The following TMEM33 variants were observed in gnomAD, a reference collection of about 807,000 sequenced individuals.
The protein encoded by TMEM33 is transmembrane protein 33.
In TMEM33, 16 loss-of-function variants were observed where a neutral mutation model predicts 29.7. The ratio of observed to expected loss-of-function variants is 0.54; its 90% CI spans 0.36 to 0.82. The LOEUF (loss-of-function observed/expected upper bound fraction) is 0.82, where lower values mean the gene tolerates loss of function less well. Ranked by LOEUF, TMEM33 falls within the 40% of genes least tolerant of loss-of-function variation. The pLI is 0.00. For synonymous variants in TMEM33, 112 were observed against 109.4 expected (o/e 1.02, Z -0.15); for missense variants, 252 against 295.3 (o/e 0.85, Z 1.08).
intron 3 of TMEM33, among the ~76,000 whole-genome samples, chr4:41,940,084 GCT>G (rs1313745439): frequency 3.2e-5 from 3 of 94,906 alleles, no homozygotes; most frequent in African/African-American, 1.3e-4. Context: ...ACAGAGTCTT[GCT>G]CTGTTGCCCA....
At chr4:41,946,696 G>C (rs1047674119) in intron 5 of TMEM33, among the ~76,000 whole-genome samples, 3 of 151,874 alleles carry the variant, frequency 2.0e-5, no homozygotes, top group Admixed American at 2.0e-4. Flanking sequence ...ATGTAATCTG[G>C]GACAGCAGAA....
intron 5 of TMEM33, 138 bp downstream of exon 5, chr4:41,945,064 T>G (rs954215409): frequency 1.9e-6 from 2 of 1,065,352 alleles, no homozygotes; most frequent in African/African-American, 3.2e-5. Context: ...AGTTGCCTAA[T>G]CTAACCTTTG....
Position 41,935,454 on chromosome 4 carries a change from T to G in TMEM33, c.-31T>G. On this transcript the variant is annotated 5_prime_UTR_variant, in exon 1 of 7. Transcript: ENST00000504986. ...CTCCCCTTTCTTCTCTCTTCGCGGT[T>G]GCGGCGTCGCAGACGCTAGTGTGAG... The G allele has an allele frequency of 6.3e-7, 1 of 1,597,232 alleles. No individual in the cohort carries two copies. Among genetic ancestry groups the G allele is most frequent in the Non-Finnish European group, 8.5e-7 (1 of 1,171,800 alleles).
At position 41,954,278 on chromosome 4, in the gene TMEM33, G is replaced by T; in HGVS notation, c.*79G>T. Reference sequence around the variant, plus strand: ...CTTCTGCTAGGGGTTGTAAATTCCAGGTGTTACACTGACCTCAATCCAATT... The same window carrying T: ...CTTCTGCTAGGGGTTGTAAATTCCATGTGTTACACTGACCTCAATCCAATT... On this transcript the variant is annotated 3_prime_UTR_variant, in exon 7 of 7. Transcript: ENST00000504986. 6.9e-7 allele frequency: 1 copy of T among 1,451,732 alleles called. No homozygotes were observed. The highest frequency in any genetic ancestry group is 9.3e-7 in the Non-Finnish European group (1 of 1,069,922). 89.9% of individuals were successfully genotyped at this position (1,451,732 alleles called of 1,614,324 possible). A position where few individuals can be genotyped will look rare whatever the true frequency, so the allele number is the denominator to read the frequency against.
chr4:41,936,267 G>A (rs1577645338), intron 1 of TMEM33, among the ~76,000 whole-genome samples: 1 of 152,206 alleles, frequency 6.6e-6, no homozygotes, highest in Admixed American at 6.5e-5. Context: ...ATGGGCTGGC[G>A]CAGTGGCTCA....
intron 6 of TMEM33, among the ~76,000 whole-genome samples, chr4:41,951,104 A>G (rs916234511): frequency 3.3e-5 from 5 of 152,136 alleles, no homozygotes; most frequent in Non-Finnish European, 5.9e-5. Flanking sequence ...TCTATTCACA[A>G]TTTGTACCAT....
rs866029663 is a variant in TMEM33 at position 41,956,801 on chromosome 4, C to T, written c.*2602C>T. ...ACAAAAAAAGGTAATCTTAAACTTA[C>T]GAAAAAGTAAATTTTACAATTTGAG... On this transcript the variant is annotated 3_prime_UTR_variant, in exon 7 of 7. Coordinates refer to ENST00000504986, the MANE Select transcript of TMEM33 (RefSeq NM_018126.3). 1.4e-4 allele frequency: 21 copies of T among 151,786 alleles called. No homozygotes were observed. The highest frequency in any genetic ancestry group is 1.3e-4 in the Admixed American group (2 of 15,240). The allele number at this position is 151,786 out of a possible 1,614,324, so 9.4% of individuals were successfully genotyped here.
At position 41,936,219 on chromosome 4, in the gene TMEM33, T is replaced by G. The variant is rs1209255285; in HGVS notation, c.45+690T>G. 2.0e-5 allele frequency among the ~76,000 whole-genome samples: 3 copies of G among 152,266 alleles called. No homozygotes were observed. In the East Asian group the frequency reaches 5.8e-4, roughly 29 times the overall value. Reference sequence around the variant, plus strand: ...TCCATAATTGTCCTTTAAAGCTGCTTTCTCTTCATCTGGGATTCTGTCAAA... The same window carrying G: ...TCCATAATTGTCCTTTAAAGCTGCTGTCTCTTCATCTGGGATTCTGTCAAA... On this transcript the variant is annotated intron_variant, in intron 1 of 6. Coordinates refer to ENST00000504986, the MANE Select transcript of TMEM33 (RefSeq NM_018126.3).
Position 41,944,929 on chromosome 4 carries a change from A to G in TMEM33, c.530+3A>G. On this transcript the variant is annotated splice_donor_region_variant and intron_variant, in intron 5 of 6. Transcript: ENST00000504986. ...GCGACAGTTTTTATGCTTTTTAGGTAAGGAAAAATTATATTTGTTTTGGGA... is the reference window on the plus strand; with the variant it reads ...GCGACAGTTTTTATGCTTTTTAGGTGAGGAAAAATTATATTTGTTTTGGGA... 6.2e-7 allele frequency: 1 copy of G among 1,608,160 alleles called. No individual in the cohort carries two copies. The highest frequency in any genetic ancestry group is 1.3e-5 in the African/African-American group (1 of 74,546).
rs550821742 is a variant in TMEM33, at chr4:41,936,768, T to G, written c.45+1239T>G. Among the ~76,000 whole-genome samples the G allele has an allele frequency of 1.1e-4, 16 of 152,304 alleles. No individual in the cohort carries two copies. The South Asian group carries it at 3.1e-3, about 30-fold the overall frequency. On this transcript the variant is annotated intron_variant, in intron 1 of 6. Coordinates refer to ENST00000504986, the MANE Select transcript of TMEM33 (RefSeq NM_018126.3). Reference sequence around the variant, plus strand: ...AGAACAGTTCTGCCCTCTCCTCCCCTTTTTTGTCTTTTAAGATACTGATAG... The same window carrying G: ...AGAACAGTTCTGCCCTCTCCTCCCCGTTTTTGTCTTTTAAGATACTGATAG...
chr4:41,943,132 G>A (rs1013692652), intron 3 of TMEM33, among the ~76,000 whole-genome samples: 12 of 152,158 alleles, frequency 7.9e-5, no homozygotes, highest in Non-Finnish European at 1.6e-4. Context: ...ACCCTTTGGG[G>A]TGGCCTAGAT....
chr4:41,940,046 C>CCTTTTTTTTTTTTTTTTTTTTTTTTTT (rs1553910603), intron 3 of TMEM33, among the ~76,000 whole-genome samples: 1 of 81,356 alleles, frequency 1.2e-5, no homozygotes, highest in African/African-American at 5.6e-5. Context: ...GTTAAACTTT[C>CCTTTTTTTTTTTTTTTTTTTTTTTTTT]TTTTTTTTTT....
chr4:41,935,560 ATT>A, intron 1 of TMEM33, 31 bp downstream of exon 1: 2 of 1,591,098 alleles, frequency 1.3e-6, no homozygotes, highest in Non-Finnish European at 8.6e-7. Context: ...GTCTGGCTTG[ATT>A]TGCAAGAGTT....
chr4:41,938,643 T>G lies in TMEM33; in HGVS notation c.87T>G (p.Leu29=). The G allele has an allele frequency of 6.2e-7, 1 of 1,614,128 alleles. No individual in the cohort carries two copies. Among genetic ancestry groups the G allele is most frequent in the Non-Finnish European group, 8.5e-7 (1 of 1,180,016 alleles). ...MTNKLDTAMW[L]SRLFTVYCSA... The stretch of plus-strand genomic sequence containing the variant: ...ATAAACTGGACACGGCAATGTGGCT[T>G]TCTCGCTTGTTCACAGTTTACTGCT... Residue 29 remains leucine, a synonymous_variant, in exon 2 of 7, where the codon CTT becomes CTG. Transcript: ENST00000504986.
chr4:41,951,930 A>G (rs1713054524), intron 6 of TMEM33, among the ~76,000 whole-genome samples: 1 of 152,180 alleles, frequency 6.6e-6, no homozygotes, highest in Non-Finnish European at 1.5e-5. Context: ...TGAGGTAAGG[A>G]GAGCCTTTGA....
In TMEM33 at chr4:41,957,365, A is replaced by G. The variant is rs1713314456; in HGVS notation, c.*3166A>G. The G allele has an allele frequency of 6.6e-6, 1 of 151,358 alleles. No homozygotes were observed. Among genetic ancestry groups the G allele is most frequent in the African/African-American group, 2.4e-5 (1 of 41,128 alleles). The allele number at this position is 151,358 out of a possible 1,614,324, so 9.4% of individuals were successfully genotyped here. A position where few individuals can be genotyped will look rare whatever the true frequency, so the allele number is the denominator to read the frequency against. On this transcript the variant is annotated 3_prime_UTR_variant, in exon 7 of 7. Transcript: ENST00000504986. ...AAAGAAAATTAGACTTGAATATTTA[A>G]GAATGTCCCTTACAGAGAAAAGGCC...
intron 5 of TMEM33, among the ~76,000 whole-genome samples, chr4:41,948,652 T>G (rs559021631): frequency 9.2e-5 from 14 of 152,244 alleles, no homozygotes; most frequent in African/African-American, 3.4e-4. Flanking sequence ...AGTTGCATAT[T>G]AAATCCATTA....
Position 41,959,607 on chromosome 4 carries a change from C to A in TMEM33, c.*5408C>A, listed in dbSNP as rs1713400654. ...GATGTGCCTAGCACTTTGAAACTAA[C>A]CTTTTCTTTCTTTGTTCATGACAGT... On this transcript the variant is annotated 3_prime_UTR_variant, in exon 7 of 7. Transcript: ENST00000504986. 6.6e-6 allele frequency: 1 copy of A among 152,300 alleles called. No individual in the cohort carries two copies. Among genetic ancestry groups the A allele is most frequent in the Admixed American group, 6.5e-5 (1 of 15,296 alleles). 9.4% of individuals were successfully genotyped at this position (152,300 alleles called of 1,614,324 possible).
intron 3 of TMEM33, among the ~76,000 whole-genome samples, chr4:41,942,833 CTA>C (rs1316991082): frequency 3.3e-5 from 5 of 152,132 alleles, no homozygotes; most frequent in African/African-American, 1.2e-4. Context: ...TTTCAATTGA[CTA>C]TATACAAAGC....
Sources: allele counts gnomAD v4.1 joint callset (sites outside exome capture counted in the v4.1 genomes callset), GRCh38; gene constraint gnomAD v4.1.1; transcripts MANE v1.5; gene names NCBI Gene and HGNC (gene_info 2026-07-23, HGNC 2026-07-21).